Variants in HSPD1 observed in about 807,000 individuals in gnomAD.
HSPD1 encodes 60 kDa heat shock protein, mitochondrial.
In HSPD1, 3 loss-of-function variants were observed where a neutral mutation model predicts 53.0. The observed-to-expected ratio is 0.06, with a 90% CI of 0.03 to 0.15. The LOEUF is 0.15. HSPD1 is among the 10% of genes least tolerant of loss of function. The probability of loss-of-function intolerance (pLI) is 1.00; values close to 1 mark genes in which losing one functional copy is unlikely to be tolerated. For synonymous variants in HSPD1, 200 were observed against 228.0 expected, an observed-to-expected ratio of 0.88 and a Z score of 1.10; for missense variants, 431 against 694.1, an observed-to-expected ratio of 0.62 and a Z score of 4.26.
intron 5 of HSPD1, 131 bp downstream of exon 5, chr2:197,494,526 G>A: frequency 3.0e-6 from 2 of 665,516 alleles, no homozygotes; most frequent in Admixed American, 2.5e-5. Flanking sequence ...GACTACATAT[G>A]AAGGAATAAA....
In HSPD1 at chr2:197,497,125, AAC is replaced by A. The variant is rs1391748169; in HGVS notation, c.427+13_427+14del. On this transcript the variant is annotated intron_variant, in intron 3 of 11. Coordinates refer to ENST00000388968, the MANE Select transcript of HSPD1 (RefSeq NM_002156.5). The stretch of plus-strand genomic sequence containing the variant: ...CTGAAGTTTAGAACACTGTGGTGAC[AAC>A]AGACATTCCTACCTCTCCTGATTTC... The A allele has an allele frequency of 6.2e-7, 1 of 1,613,618 alleles. No homozygotes were observed. Among genetic ancestry groups the A allele is most frequent in the South Asian group, 1.1e-5 (1 of 91,060 alleles).
rs1209976347 is a variant in HSPD1, at chr2:197,493,502, TAATG to T, written c.701-14_701-11del. On this transcript the variant is annotated splice_polypyrimidine_tract_variant and intron_variant, in intron 6 of 11. Coordinates refer to ENST00000388968, the MANE Select transcript of HSPD1 (RefSeq NM_002156.5). The stretch of plus-strand genomic sequence containing the variant: ...AATTCACATTTCTGACCTGTAAAAA[TAATG>T]AAGATTTCAAAAATATACAAAAAAT... The T allele has an allele frequency of 1.2e-6, 2 of 1,600,604 alleles. No homozygotes were observed. The highest frequency in any genetic ancestry group is 1.7e-6 in the Non-Finnish European group (2 of 1,167,890).
intron 3 of HSPD1, among the ~76,000 whole-genome samples, chr2:197,496,434 C>CA (rs947177881): frequency 2.6e-5 from 4 of 152,114 alleles, no homozygotes; most frequent in Non-Finnish European, 2.9e-5. Context: ...CCAATTCTGA[C>CA]AAAAAATTAC....
rs528194391 is a variant in HSPD1 at position 197,492,116 on chromosome 2, C to T, written c.869+1208G>A. On this transcript the variant is annotated intron_variant, in intron 7 of 11. Coordinates refer to ENST00000388968, the MANE Select transcript of HSPD1 (RefSeq NM_002156.5). ...AGGCTGCAGTGAGCTATGATCGTGC[C>T]GCCGCAGGCCAGCCTGGGTGACAGA... Among the ~76,000 whole-genome samples the T allele has an allele frequency of 4.6e-5, 7 of 152,302 alleles. No homozygotes were observed. The East Asian group carries it at 5.8e-4, about 13-fold the overall frequency.
chr2:197,491,599 A>G (rs898459099), intron 7 of HSPD1, among the ~76,000 whole-genome samples: 4 of 152,236 alleles, frequency 2.6e-5, no homozygotes, highest in Admixed American at 1.3e-4. Context: ...CATTTCTACT[A>G]TAACAAAATG....
rs2086204580 is a variant in HSPD1, at chr2:197,499,245, A to G, written c.-2-395T>C. 5 of 324,908 alleles carry G rather than the reference A, an allele frequency of 1.5e-5. 1 individual carries two copies. The highest frequency in any genetic ancestry group is 1.4e-4 in the South Asian group (5 of 37,020). The allele number at this position is 324,908 out of a possible 1,614,324, so 20.1% of individuals were successfully genotyped here. On this transcript the variant is annotated intron_variant, in intron 1 of 11. Coordinates refer to ENST00000388968, the MANE Select transcript of HSPD1 (RefSeq NM_002156.5). The stretch of plus-strand genomic sequence containing the variant: ...CAAATCCAAGTGACCAGGGAAGTTA[A>G]AAGTATTCCTGACGGTGCAAAAAGC...
intron 3 of HSPD1, chr2:197,496,902 C>T: frequency 1.9e-5 from 10 of 525,042 alleles, no homozygotes; most frequent in South Asian, 1.8e-4. Context: ...AGAGCAAGAC[C>T]CTGTCTCTAA....
chr2:197,488,519 A>G lies in HSPD1; in HGVS notation c.1216-28T>C, dbSNP rs762246159. 6 of 1,596,462 alleles carry G rather than the reference A, an allele frequency of 3.8e-6. No homozygotes were observed. The South Asian group carries it at 6.6e-5, about 18-fold the overall frequency. On this transcript the variant is annotated intron_variant, in intron 9 of 11. Transcript: ENST00000388968. Reference sequence around the variant, plus strand: ...AAAGACGAAAAGAATTCCAGTTAGTATGGCCTCTTCATTCAAGATGCTAAT... The same window carrying G: ...AAAGACGAAAAGAATTCCAGTTAGTGTGGCCTCTTCATTCAAGATGCTAAT...
intron 7 of HSPD1, among the ~76,000 whole-genome samples, chr2:197,492,797 G>T (rs936759696): frequency 1.3e-5 from 2 of 151,694 alleles, no homozygotes; most frequent in African/African-American, 4.8e-5. Flanking sequence ...GGATCACGAG[G>T]TCAGGAGTTT....
intron 4 of HSPD1, chr2:197,494,969 T>C (rs2086140016): frequency 8.3e-6 from 5 of 602,768 alleles, no homozygotes; most frequent in Non-Finnish European, 1.5e-5. Context: ...CATAAAACTA[T>C]TCTTGTAACA....
At chr2:197,488,072 AT>A (rs2086048114) in intron 10 of HSPD1, 36 bp from the exon 11 acceptor site, 2 of 1,368,764 alleles carry the variant, frequency 1.5e-6, no homozygotes, top group Admixed American at 1.9e-5. Context: ...TAATACTTTC[AT>A]TTGTAAATAT....
At position 197,497,215 on chromosome 2, in the gene HSPD1, C is replaced by A. The variant is rs1340391404; in HGVS notation, c.352G>T (p.Val118Leu). 1 of 1,613,896 alleles carries A rather than the reference C, an allele frequency of 6.2e-7. No homozygotes were observed. The highest frequency in any genetic ancestry group is 2.2e-5 in the East Asian group (1 of 44,884). Residue 118 changes from valine to leucine, a missense_variant, in exon 3 of 12, where the codon GTA (valine) becomes TTA (leucine). Transcript: ENST00000388968. ...TCCTTGGCTATAGAGCGTGCCAGTA[C>A]AGTAGCAGTGGTAGTGCCATCCCCA... is the stretch of plus-strand genomic sequence containing the variant. ...EAGDGTTTAT[V>L]LARSIAKEGF...
chr2:197,494,543 A>ACT lies in HSPD1; in HGVS notation c.606+113_606+114insAG, dbSNP rs34314224. 503,038 of 743,468 alleles carry ACT rather than the reference A, an allele frequency of 0.68. 173,036 individuals are homozygous for ACT. The highest frequency in any genetic ancestry group is 0.85 in the Middle Eastern group (2,291 of 2,680). The allele number at this position is 743,468 out of a possible 1,614,324, so 46.1% of individuals were successfully genotyped here. A position where few individuals can be genotyped will look rare whatever the true frequency, so the allele number is the denominator to read the frequency against. On this transcript the variant is annotated intron_variant, in intron 5 of 11. Coordinates refer to ENST00000388968, the MANE Select transcript of HSPD1 (RefSeq NM_002156.5). The stretch of plus-strand genomic sequence containing the variant: ...CTACATATGAAGGAATAAAAAAAGC[A>ACT]GTTTTTAAAACAGAATTTTTCTGTT...
In HSPD1 at chr2:197,497,541, G is replaced by T. The variant is rs1559303891; in HGVS notation, c.175-149C>A. 4.0e-6 allele frequency: 3 copies of T among 749,582 alleles called. No individual in the cohort carries two copies. The East Asian group carries it at 7.9e-5, about 20-fold the overall frequency. The allele number at this position is 749,582 out of a possible 1,614,324, so 46.4% of individuals were successfully genotyped here. A position where few individuals can be genotyped will look rare whatever the true frequency, so the allele number is the denominator to read the frequency against. ...CAGTCTTGCAGCATGAACCTCAAGGGCAAGTTTATCGACATTCTTTGTCTA... is the reference window on the plus strand; with the variant it reads ...CAGTCTTGCAGCATGAACCTCAAGGTCAAGTTTATCGACATTCTTTGTCTA... On this transcript the variant is annotated intron_variant, in intron 2 of 11. Transcript: ENST00000388968.
chr2:197,493,186 T>A, intron 7 of HSPD1, 138 bp downstream of exon 7: 1 of 786,558 alleles, frequency 1.3e-6, no homozygotes, highest in Non-Finnish European at 2.2e-6. Flanking sequence ...GCACACCTGA[T>A]TTACACAATT....
Position 197,490,214 on chromosome 2 carries a change from T to C in HSPD1, c.952A>G (p.Ile318Val), listed in dbSNP as rs765183492. 1.6e-5 allele frequency: 25 copies of C among 1,611,814 alleles called. No homozygotes were observed. Among genetic ancestry groups the C allele is most frequent in the Middle Eastern group, 1.7e-4 (1 of 5,976 alleles). The change falls in exon 8 of 12, where the codon ATT becomes GTT. Residue 318 changes from isoleucine (I) to valine (V), a missense_variant. Ile to Val is a conservative substitution (Grantham distance 29). This residue lies in a region of HSPD1 where 386 missense variants were observed against 657.6 expected (regional missense o/e 0.59). Transcript: ENST00000388968. ...TTACTTACTGCACCACCAGTAGCAA[T>C]AGCCATATCTTTAAGCTGGTTCTTT... ...NRKNQLKDMA[I>V]ATGGAVFGEE...
chr2:197,500,270 G>C (rs1221710593), upstream of HSPD1: 2 of 885,196 alleles, frequency 2.3e-6, no homozygotes, highest in Non-Finnish European at 3.5e-6. Context: ...GGTGCGCGTC[G>C]GGGCGACCGC....
chr2:197,496,811 G>A (rs987332764), intron 3 of HSPD1: 7 of 376,274 alleles, frequency 1.9e-5, no homozygotes, highest in Admixed American at 8.2e-5. Flanking sequence ...GTGAGTGCCT[G>A]TAGTAGTCCC....
chr2:197,495,327 A>C lies in HSPD1; in HGVS notation c.477T>G (p.Ser159=), dbSNP rs1333403005. ...DAVIAELKKQ[S]KPVTTPEEIA... ...TTTCTTCAGGGGTGGTCACAGGTTT[A>C]GACTGCTTTTTAAGTTCAGCAATTA... is the stretch of plus-strand genomic sequence containing the variant. Residue 159 remains serine, a synonymous_variant, in exon 4 of 12, where the codon TCT becomes TCG. Coordinates refer to ENST00000388968, the MANE Select transcript of HSPD1 (RefSeq NM_002156.5). 1.9e-6 allele frequency: 3 copies of C among 1,611,164 alleles called. No homozygotes were observed. The highest frequency in any genetic ancestry group is 3.3e-4 in the Middle Eastern group (2 of 6,032).
Sources: gnomAD v4.1 joint callset for allele counts (sites outside exome capture counted in the v4.1 genomes callset) on GRCh38, gnomAD v4.1.1 for gene constraint, gnomAD v4.1.1 regional missense constraint, MANE v1.5 for transcripts, NCBI Gene and HGNC (gene_info 2026-07-23, HGNC 2026-07-21) for gene names.